Variants in RGS7 observed in about 807,000 individuals in gnomAD.
RGS7 encodes the protein regulator of G-protein signaling 7.
RGS7 carries 27 observed loss-of-function variants against 81.1 expected under a neutral mutation model. That is an observed-to-expected ratio of 0.33 (90% CI 0.25 to 0.46). The LOEUF is 0.46. RGS7 is among the 20% of genes least tolerant of loss of function. The pLI is 1.00. For missense variants in RGS7, 396 were observed against 607.4 expected (o/e 0.65, Z 3.66); for synonymous variants, 208 against 207.7 (o/e 1.00, Z -0.01).
intron 4 of RGS7, among the ~76,000 whole-genome samples, chr1:240,965,063 T>C (rs774311337): frequency 1.1e-4 from 17 of 152,226 alleles, no homozygotes; most frequent in Non-Finnish European, 2.4e-4. Flanking sequence ...CAACTTCAAG[T>C]TGAAAAGATT....
intron 3 of RGS7, among the ~76,000 whole-genome samples, chr1:240,995,374 C>T (rs974415570): frequency 6.6e-6 from 1 of 152,190 alleles, no homozygotes; most frequent in African/African-American, 2.4e-5. Context: ...GATATTCTCT[C>T]CTCTTCTGTT....
At chr1:240,928,782 T>G (rs909237567) in intron 6 of RGS7, among the ~76,000 whole-genome samples, 1 of 151,850 alleles carries the variant, frequency 6.6e-6, no homozygotes, top group African/African-American at 2.4e-5. Flanking sequence ...GGCTAATTTT[T>G]GTATTTTTAG....
At chr1:240,961,210 T>G (rs1453901268) in intron 4 of RGS7, among the ~76,000 whole-genome samples, 1 of 152,118 alleles carries the variant, frequency 6.6e-6, no homozygotes, top group Non-Finnish European at 1.5e-5. Flanking sequence ...TCAAAAAAAT[T>G]AAAATATCAC....
At chr1:241,273,702 G>A (rs1238388016) in intron 2 of RGS7, among the ~76,000 whole-genome samples, 1 of 152,090 alleles carries the variant, frequency 6.6e-6, no homozygotes, top group Non-Finnish European at 1.5e-5. Context: ...AGTGTACTTG[G>A]TGAGGCCTAA....
chr1:240,873,912 T>C (rs940770558), intron 6 of RGS7, among the ~76,000 whole-genome samples: 1 of 152,246 alleles, frequency 6.6e-6, no homozygotes, highest in African/African-American at 2.4e-5. Context: ...TGGCTAATTC[T>C]TCTCTTGTTC....
intron 3 of RGS7, among the ~76,000 whole-genome samples, chr1:241,028,213 A>G (rs868086218): frequency 2.0e-5 from 3 of 152,300 alleles, no homozygotes; most frequent in South Asian, 4.1e-4. Context: ...CATAGACTCA[A>G]CCATAGAGTT....
chr1:240,986,971 G>A (rs1039121059), intron 3 of RGS7, among the ~76,000 whole-genome samples: 1 of 152,102 alleles, frequency 6.6e-6, no homozygotes, highest in African/African-American at 2.4e-5. Context: ...AACGGCAAAC[G>A]AGCTTCCTTA....
intron 6 of RGS7, among the ~76,000 whole-genome samples, chr1:240,884,092 A>T (rs1320213807): frequency 6.6e-6 from 1 of 150,650 alleles, no homozygotes; most frequent in East Asian, 1.9e-4. Flanking sequence ...AAAAAAAAAA[A>T]AAAAAAAAAA....
At chr1:241,155,912 T>C (rs1177943679) in intron 2 of RGS7, among the ~76,000 whole-genome samples, 1 of 152,180 alleles carries the variant, frequency 6.6e-6, no homozygotes, top group Non-Finnish European at 1.5e-5. Context: ...TCCGTAAGCC[T>C]CAAGTACTTC....
At chr1:241,101,824 C>A (rs2064762701) in intron 2 of RGS7, among the ~76,000 whole-genome samples, 1 of 152,216 alleles carries the variant, frequency 6.6e-6, no homozygotes, top group African/African-American at 2.4e-5. Flanking sequence ...GGAAACCTCT[C>A]TGACTCACAC....
chr1:241,186,546 C>T (rs1475213650), intron 2 of RGS7: 11 of 254,922 alleles, frequency 4.3e-5, no homozygotes, highest in South Asian at 1.7e-4. Context: ...TTTTTTGAGA[C>T]GGAGTTTTGC....
Position 240,811,957 on chromosome 1 carries a change from A to C in RGS7, c.1043T>G (p.Leu348Arg). 6.2e-7 allele frequency: 1 copy of C among 1,613,754 alleles called. No individual in the cohort carries two copies. Among genetic ancestry groups the C allele is most frequent in the Non-Finnish European group, 8.5e-7 (1 of 1,179,624 alleles). Residue 348 changes from leucine to arginine, a missense_variant, in exon 14 of 19, where the codon CTT (leucine) becomes CGT (arginine). Physicochemically the swap from Leu to Arg is moderately radical, Grantham distance 102 (BLOSUM62 -2). Coordinates refer to ENST00000440928, the MANE Select transcript of RGS7 (RefSeq NM_001364886.1). ...LKDPVGREQF[L>R]KFLESEFSSE... ...GCTGAATTCTGACTCTAGAAATTTAAGGAACTGTTCTCTCCCAACTGGGTC... is the reference window on the plus strand; with the variant it reads ...GCTGAATTCTGACTCTAGAAATTTACGGAACTGTTCTCTCCCAACTGGGTC...
At chr1:241,005,859 T>C (rs1340714685) in intron 3 of RGS7, among the ~76,000 whole-genome samples, 1 of 152,174 alleles carries the variant, frequency 6.6e-6, no homozygotes, top group Non-Finnish European at 1.5e-5. Flanking sequence ...TTGCTCAACA[T>C]ACTGCTTTTG....
intron 4 of RGS7, among the ~76,000 whole-genome samples, chr1:240,946,886 C>T (rs565172172): frequency 6.5e-4 from 99 of 152,224 alleles, no homozygotes; most frequent in African/African-American, 2.0e-3. Context: ...ATGCCGTTAC[C>T]GCAAAGACAT....
intron 2 of RGS7, among the ~76,000 whole-genome samples, chr1:241,127,678 A>G (rs1473855746): frequency 6.6e-6 from 1 of 152,186 alleles, no homozygotes. Flanking sequence ...TGTACCCTAA[A>G]ACTTAAAGTA....
At chr1:241,353,154 G>A (rs1439593137) in intron 2 of RGS7, among the ~76,000 whole-genome samples, 7 of 152,136 alleles carry the variant, frequency 4.6e-5, no homozygotes, top group Non-Finnish European at 1.0e-4. Flanking sequence ...CTAAGTCTTC[G>A]ATTGACTTCC....
intron 6 of RGS7, among the ~76,000 whole-genome samples, chr1:240,927,850 C>A (rs1310851811): frequency 6.6e-6 from 1 of 152,060 alleles, no homozygotes; most frequent in Non-Finnish European, 1.5e-5. Flanking sequence ...AGCAAGTATT[C>A]CAGGTTTGGG....
chr1:241,205,150 C>T (rs2073792405), intron 2 of RGS7, among the ~76,000 whole-genome samples: 1 of 148,464 alleles, frequency 6.7e-6, no homozygotes, highest in Non-Finnish European at 1.5e-5. Context: ...CATCCTGGCT[C>T]ACTGCAACCT....
At chr1:241,188,996 A>G (rs1490255480) in intron 2 of RGS7, among the ~76,000 whole-genome samples, 1 of 151,982 alleles carries the variant, frequency 6.6e-6, no homozygotes, top group Admixed American at 6.6e-5. Flanking sequence ...TTTTTTTGAG[A>G]CAGGGTCTCA....
Sources: allele counts gnomAD v4.1 joint callset (sites outside exome capture counted in the v4.1 genomes callset), GRCh38; gene constraint gnomAD v4.1.1; transcripts MANE v1.5; gene names NCBI Gene and HGNC (gene_info 2026-07-23, HGNC 2026-07-21).